Variants in GTF2B observed in about 807,000 individuals in gnomAD.
The protein encoded by GTF2B is general transcription factor IIB.
A neutral mutation model predicts 34.6 loss-of-function variants in GTF2B; 20 were observed. The observed-to-expected ratio is 0.58, with a 90% CI of 0.41 to 0.84. The LOEUF is 0.84. Ranked by LOEUF, GTF2B falls within the 40% of genes least tolerant of loss-of-function variation. The probability of loss-of-function intolerance (pLI) is 0.00; values close to 1 mark genes in which losing one functional copy is unlikely to be tolerated. For synonymous variants in GTF2B, 142 were observed against 132.4 expected, an observed-to-expected ratio of 1.07 and a Z score of -0.50; for missense variants, 237 against 393.3, an observed-to-expected ratio of 0.60 and a Z score of 3.36.
chr1:88,876,492 G>A (rs975334551), intron 2 of GTF2B, among the ~76,000 whole-genome samples: 1 of 152,098 alleles, frequency 6.6e-6, no homozygotes, highest in Non-Finnish European at 1.5e-5. Flanking sequence ...GGCAACACAG[G>A]GAGATGCTGT....
intron 2 of GTF2B, among the ~76,000 whole-genome samples, chr1:88,878,924 T>C (rs902130903): frequency 6.6e-6 from 1 of 152,144 alleles, no homozygotes; most frequent in Non-Finnish European, 1.5e-5. Flanking sequence ...GTGAAGAAGT[T>C]ATCATAGAAG....
chr1:88,872,686 T>C (rs1320363141), intron 2 of GTF2B, among the ~76,000 whole-genome samples: 12 of 152,148 alleles, frequency 7.9e-5, no homozygotes, highest in Admixed American at 7.2e-4. Context: ...TCTTACTAAC[T>C]TAACAGATAT....
intron 2 of GTF2B, among the ~76,000 whole-genome samples, chr1:88,874,190 T>G (rs1673761815): frequency 6.6e-6 from 1 of 152,168 alleles, no homozygotes; most frequent in Non-Finnish European, 1.5e-5. Flanking sequence ...CAGGGGAAAT[T>G]GCAACACACC....
intron 1 of GTF2B, 127 bp from the exon 2 acceptor site, chr1:88,887,494 A>G: frequency 1.6e-6 from 1 of 645,138 alleles, no homozygotes; most frequent in East Asian, 2.9e-5. Flanking sequence ...TAACACATAT[A>G]AGCTAGATTT....
chr1:88,862,372 T>C (rs1374393918), intron 3 of GTF2B, among the ~76,000 whole-genome samples: 4 of 152,038 alleles, frequency 2.6e-5, no homozygotes, highest in Non-Finnish European at 5.9e-5. Context: ...CGAAACTTTG[T>C]CTCTACAAAA....
intron 1 of GTF2B, among the ~76,000 whole-genome samples, chr1:88,890,620 TGGAAAAGTC>T (rs1457342585): frequency 6.6e-6 from 1 of 152,168 alleles, no homozygotes; most frequent in African/African-American, 2.4e-5. Context: ...ACACGACTCT[TGGAAAAGTC>T]AACATTGGCA....
chr1:88,880,319 A>G (rs990841749), intron 2 of GTF2B, among the ~76,000 whole-genome samples: 2 of 152,216 alleles, frequency 1.3e-5, no homozygotes, highest in African/African-American at 4.8e-5. Flanking sequence ...GGGTTGTAGA[A>G]TATTTGCCCA....
intron 2 of GTF2B, among the ~76,000 whole-genome samples, chr1:88,876,833 C>T (rs912644104): frequency 1.3e-5 from 2 of 152,138 alleles, no homozygotes; most frequent in Non-Finnish European, 2.9e-5. Context: ...ACAAATTAAG[C>T]TTGAACAAAG....
chr1:88,856,850 G>A (rs1673323828), intron 6 of GTF2B, among the ~76,000 whole-genome samples: 1 of 145,186 alleles, frequency 6.9e-6, no homozygotes, highest in Admixed American at 7.1e-5. Context: ...TGCCCAGGCT[G>A]GAGTGCAATG....
intron 2 of GTF2B, among the ~76,000 whole-genome samples, chr1:88,881,994 A>G (rs1272375869): frequency 6.6e-6 from 1 of 152,074 alleles, no homozygotes. Flanking sequence ...AAGGCTGAAA[A>G]TATAATGGGA....
At chr1:88,857,526 C>T (rs753441321) in intron 5 of GTF2B, 39 bp from the exon 6 acceptor site, 2 of 1,039,352 alleles carry the variant, frequency 1.9e-6, no homozygotes, top group Non-Finnish European at 2.9e-6. Flanking sequence ...TTCACTTAAG[C>T]CATATAGTTC....
In GTF2B at chr1:88,852,944, A is replaced by G. The variant is rs1052980716; in HGVS notation, c.*269T>C. On this transcript the variant is annotated 3_prime_UTR_variant, in exon 7 of 7. Transcript: ENST00000370500. ...ATATAACAAAAACTTGAGTTTTGAA[A>G]AATGTTTTATTCAAGAATTACATAA... 22 of 368,680 alleles carry G rather than the reference A, an allele frequency of 6.0e-5. No individual in the cohort carries two copies. The highest frequency in any genetic ancestry group is 3.1e-4 in the African/African-American group (15 of 48,068). 22.8% of individuals were successfully genotyped at this position (368,680 alleles called of 1,614,324 possible). A position where few individuals can be genotyped will look rare whatever the true frequency, so the allele number is the denominator to read the frequency against.
intron 1 of GTF2B, among the ~76,000 whole-genome samples, chr1:88,889,828 G>A (rs573377369): frequency 6.6e-6 from 1 of 152,192 alleles, no homozygotes; most frequent in African/African-American, 2.4e-5. Context: ...GGACCAGCCT[G>A]GGCAATGTAA....
chr1:88,891,246 T>C (rs1047653846), intron 1 of GTF2B, among the ~76,000 whole-genome samples: 3 of 151,602 alleles, frequency 2.0e-5, no homozygotes, highest in Non-Finnish European at 4.4e-5. Context: ...AGGACCCACA[T>C]AGGGTGATAT....
At chr1:88,880,194 T>A (rs1424245295) in intron 2 of GTF2B, among the ~76,000 whole-genome samples, 2 of 152,254 alleles carry the variant, frequency 1.3e-5, no homozygotes, top group South Asian at 2.1e-4. Context: ...ATGGCAAGCA[T>A]AATCAATCAT....
intron 2 of GTF2B, among the ~76,000 whole-genome samples, chr1:88,865,256 A>T (rs892647682): frequency 6.6e-6 from 1 of 152,244 alleles, no homozygotes; most frequent in Non-Finnish European, 1.5e-5. Flanking sequence ...TATTTTAAAG[A>T]TTATAAAGAC....
chr1:88,872,525 A>G (rs1478527194), intron 2 of GTF2B, among the ~76,000 whole-genome samples: 3 of 151,208 alleles, frequency 2.0e-5, no homozygotes, highest in Admixed American at 1.3e-4. Context: ...CTCTATTAAT[A>G]TAATTTTTTA....
chr1:88,884,043 T>C, intron 2 of GTF2B, among the ~76,000 whole-genome samples: 1 of 150,542 alleles, frequency 6.6e-6, no homozygotes, highest in East Asian at 1.9e-4. Flanking sequence ...TTTTTTTTTT[T>C]TTGAGACAGA....
intron 1 of GTF2B, among the ~76,000 whole-genome samples, chr1:88,888,654 CTA>C (rs1180135158): frequency 6.6e-6 from 1 of 152,048 alleles, no homozygotes; most frequent in Non-Finnish European, 1.5e-5. Flanking sequence ...AGATAGAAAA[CTA>C]TAGTTTGTGT....
Sources: gnomAD v4.1 joint callset for allele counts (sites outside exome capture counted in the v4.1 genomes callset) on GRCh38, gnomAD v4.1.1 for gene constraint, MANE v1.5 for transcripts, NCBI Gene and HGNC (gene_info 2026-07-23, HGNC 2026-07-21) for gene names.